Variants in AKAP6 observed in about 807,000 individuals in gnomAD.
AKAP6 encodes A-kinase anchor protein 6.
In AKAP6, 58 loss-of-function variants were observed where a neutral mutation model predicts 188.5. The observed-to-expected ratio is 0.31, with a 90% CI of 0.25 to 0.38. The LOEUF (loss-of-function observed/expected upper bound fraction) is 0.38. AKAP6 is among the 10% of genes least tolerant of loss of function. The pLI is 1.00. For missense variants in AKAP6, 2,710 were observed against 2,740.0 expected (o/e 0.99, Z 0.24); for synonymous variants, 989 against 998.6 (o/e 0.99, Z 0.18).
intron 11 of AKAP6, among the ~76,000 whole-genome samples, chr14:32,751,886 T>C (rs1171752969): frequency 1.3e-5 from 2 of 152,226 alleles, no homozygotes; most frequent in African/African-American, 4.8e-5. Flanking sequence ...CTCAGTGCCA[T>C]GAATGCAATA....
At chr14:32,734,035 A>C (rs969412944) in intron 10 of AKAP6, 1 of 152,162 alleles carries the variant, frequency 6.6e-6, no homozygotes, top group Non-Finnish European at 1.5e-5. Context: ...TTGAAAAAAG[A>C]AATAATATTT....
At chr14:32,569,620 T>C (rs981933158) in intron 4 of AKAP6, among the ~76,000 whole-genome samples, 4 of 152,212 alleles carry the variant, frequency 2.6e-5, no homozygotes, top group Non-Finnish European at 2.9e-5. Context: ...AATCTAGTCA[T>C]TTTATGTAGA....
At chr14:32,794,069 G>A (rs975502980) in intron 12 of AKAP6, among the ~76,000 whole-genome samples, 3 of 152,154 alleles carry the variant, frequency 2.0e-5, no homozygotes, top group Non-Finnish European at 4.4e-5. Context: ...GTGCTGCATG[G>A]CACTTACTCT....
chr14:32,355,052 C>G (rs1206967784), intron 1 of AKAP6, among the ~76,000 whole-genome samples: 1 of 152,194 alleles, frequency 6.6e-6, no homozygotes, highest in Non-Finnish European at 1.5e-5. Flanking sequence ...CCTGGACATC[C>G]TCATTTCCTG....
chr14:32,353,410 A>C (rs1008119433), intron 1 of AKAP6, among the ~76,000 whole-genome samples: 1 of 152,070 alleles, frequency 6.6e-6, no homozygotes, highest in African/African-American at 2.4e-5. Flanking sequence ...AAATACAAAA[A>C]ATTAGCTGGG....
At chr14:32,809,324 A>G (rs1594968976) in intron 12 of AKAP6, among the ~76,000 whole-genome samples, 1 of 152,270 alleles carries the variant, frequency 6.6e-6, no homozygotes, top group Non-Finnish European at 1.5e-5. Flanking sequence ...AAAAAATTTC[A>G]TTAATGATGC....
chr14:32,728,348 TTCTATCTA>T (rs143615571), intron 9 of AKAP6, among the ~76,000 whole-genome samples: 32,666 of 140,852 alleles, frequency 0.23, 3,935 homozygotes, highest in Admixed American at 0.29. Context: ...TCTCAGTGTA[TTCTATCTA>T]TCTATCTATC....
intron 9 of AKAP6, among the ~76,000 whole-genome samples, chr14:32,720,784 A>G (rs2030488560): frequency 6.6e-6 from 1 of 152,124 alleles, no homozygotes; most frequent in Non-Finnish European, 1.5e-5. Flanking sequence ...ACTCAAGGCT[A>G]TAGTGTGTGT....
intron 1 of AKAP6, among the ~76,000 whole-genome samples, chr14:32,430,379 G>T (rs1405256170): frequency 6.6e-6 from 1 of 152,016 alleles, no homozygotes; most frequent in African/African-American, 2.4e-5. Context: ...TGGACTGATG[G>T]TATATATGGA....
At chr14:32,506,733 A>G (rs1041624613) in intron 2 of AKAP6, among the ~76,000 whole-genome samples, 7 of 148,506 alleles carry the variant, frequency 4.7e-5, no homozygotes, top group African/African-American at 1.7e-4. Flanking sequence ...GGGTTTCACC[A>G]TGTTAGCCAG....
intron 11 of AKAP6, among the ~76,000 whole-genome samples, chr14:32,772,370 C>T (rs898073187): frequency 2.6e-5 from 4 of 152,056 alleles, no homozygotes; most frequent in African/African-American, 7.2e-5. Flanking sequence ...GAAACTGCTG[C>T]GCTGGTATAA....
At chr14:32,687,587 C>T (rs1889992932) in intron 8 of AKAP6, among the ~76,000 whole-genome samples, 1 of 151,970 alleles carries the variant, frequency 6.6e-6, no homozygotes, top group Admixed American at 6.6e-5. Flanking sequence ...AAATGATGTG[C>T]TATTCTTATG....
At chr14:32,422,058 G>A (rs2049021180) in intron 1 of AKAP6, among the ~76,000 whole-genome samples, 1 of 152,158 alleles carries the variant, frequency 6.6e-6, no homozygotes, top group African/African-American at 2.4e-5. Context: ...ACTGGGGGTG[G>A]AAGCAACTAC....
At chr14:32,497,959 G>T (rs1880408879) in intron 2 of AKAP6, among the ~76,000 whole-genome samples, 1 of 151,972 alleles carries the variant, frequency 6.6e-6, no homozygotes, top group South Asian at 2.1e-4. Context: ...AGCCATTTCA[G>T]CTTTCTTTGA....
intron 12 of AKAP6, among the ~76,000 whole-genome samples, chr14:32,821,095 A>G (rs2034507155): frequency 6.6e-6 from 1 of 152,210 alleles, no homozygotes; most frequent in Non-Finnish European, 1.5e-5. Flanking sequence ...CACTCTATCC[A>G]AGATTCAAAA....
At chr14:32,595,974 T>C (rs1317491001) in intron 5 of AKAP6, among the ~76,000 whole-genome samples, 1 of 152,184 alleles carries the variant, frequency 6.6e-6, no homozygotes, top group Non-Finnish European at 1.5e-5. Flanking sequence ...TATGAATTTA[T>C]GTCTTATAAA....
intron 1 of AKAP6, among the ~76,000 whole-genome samples, chr14:32,391,633 T>C (rs1888720741): frequency 6.6e-6 from 1 of 152,208 alleles, no homozygotes; most frequent in Non-Finnish European, 1.5e-5. Context: ...GTTGTGGTGA[T>C]AGTGAGCTCT....
Position 32,824,963 on chromosome 14 carries a change from A to C in AKAP6, c.*42+148A>C, listed in dbSNP as rs1045566886. The C allele has an allele frequency of 9.6e-6, 5 of 519,046 alleles. No homozygotes were observed. In the African/African-American group the frequency reaches 9.9e-5, roughly 10 times the overall value. The allele number at this position is 519,046 out of a possible 1,614,324, so 32.2% of individuals were successfully genotyped here. ...TTTAGGTAGAAGAAATGCTCTCAAC[A>C]ATGAAAGTAACTGTGAAGCAAAAGA... On this transcript the variant is annotated intron_variant, in intron 13 of 13. Coordinates refer to ENST00000280979, the MANE Select transcript of AKAP6 (RefSeq NM_004274.5).
chr14:32,800,182 A>G (rs941639249), intron 12 of AKAP6, among the ~76,000 whole-genome samples: 2 of 147,422 alleles, frequency 1.4e-5, no homozygotes, highest in Non-Finnish European at 3.0e-5. Context: ...ATACATATAT[A>G]TATACACATA....
Sources: gnomAD v4.1 joint callset for allele counts (sites outside exome capture counted in the v4.1 genomes callset) on GRCh38, gnomAD v4.1.1 for gene constraint, MANE v1.5 for transcripts, NCBI Gene and HGNC (gene_info 2026-07-23, HGNC 2026-07-21) for gene names.